TTC7B: variants seen among roughly 807,000 people sequenced by gnomAD.
TTC7B encodes the protein tetratricopeptide repeat protein 7B.
TTC7B carries 28 observed loss-of-function variants against 106.8 expected under a neutral mutation model. The observed-to-expected ratio is 0.26, with a 90% CI of 0.19 to 0.36. TTC7B has a LOEUF of 0.36. Ranked by LOEUF, TTC7B falls within the 10% of genes least tolerant of loss-of-function variation. The pLI, the probability that TTC7B is intolerant of heterozygous loss-of-function variation, is 1.00. For missense variants in TTC7B, 862 were observed against 1,076.4 expected (o/e 0.80, Z 2.79); for synonymous variants, 405 against 430.6 (o/e 0.94, Z 0.74).
intron 12 of TTC7B, 140 bp from the exon 13 acceptor site, chr14:90,653,038 G>A: frequency 1.2e-6 from 1 of 848,858 alleles, no homozygotes; most frequent in East Asian, 2.4e-5. Context: ...CCTGCACCAG[G>A]CCCTGGAGAA....
chr14:90,690,935 C>T (rs1566838344), intron 6 of TTC7B, among the ~76,000 whole-genome samples: 2 of 152,144 alleles, frequency 1.3e-5, no homozygotes, highest in Non-Finnish European at 2.9e-5. Context: ...AAGTAAGACC[C>T]ATTGGCATTA....
At chr14:90,542,245 C>CT (rs910846769) in intron 19 of TTC7B, among the ~76,000 whole-genome samples, 9 of 149,294 alleles carry the variant, frequency 6.0e-5, no homozygotes, top group South Asian at 4.2e-4. Flanking sequence ...GGCCTGTCGT[C>CT]TTTTTTTTTT....
chr14:90,741,925 A>C (rs1487210772), intron 4 of TTC7B, among the ~76,000 whole-genome samples: 1 of 152,232 alleles, frequency 6.6e-6, no homozygotes, highest in Non-Finnish European at 1.5e-5. Context: ...GGTTTTCCAA[A>C]AAAGAAAACG....
Position 90,593,566 on chromosome 14 carries a change from G to GCCACTT in TTC7B, c.2021_2026dup (p.Glu674_Val675dup). The GCCACTT allele has an allele frequency of 6.2e-7, 1 of 1,612,796 alleles. No homozygotes were observed. The highest frequency in any genetic ancestry group is 8.5e-7 in the Non-Finnish European group (1 of 1,179,290). The stretch of plus-strand genomic sequence containing the variant: ...AGGGGCACTGCTCTGCAGAGACGAA[G>GCCACTT]CCACTTCCGACAGTGCCTGCTCCAC... On this transcript the variant is annotated inframe_insertion, in exon 18 of 20. Transcript: ENST00000328459.
intron 8 of TTC7B, among the ~76,000 whole-genome samples, 160 bp from the exon 9 acceptor site, chr14:90,676,820 C>T (rs544995850): frequency 2.6e-5 from 4 of 152,076 alleles, no homozygotes; most frequent in Non-Finnish European, 5.9e-5. Flanking sequence ...TATTCAAAAT[C>T]CCCTGGGCAC....
At chr14:90,661,251 C>T (rs1042109980) in intron 9 of TTC7B, among the ~76,000 whole-genome samples, 6 of 152,232 alleles carry the variant, frequency 3.9e-5, no homozygotes, top group South Asian at 2.1e-4. Context: ...TGAATATACT[C>T]CTCACTAGTG....
chr14:90,659,557 C>T (rs1566823213), intron 9 of TTC7B, among the ~76,000 whole-genome samples: 1 of 151,624 alleles, frequency 6.6e-6, no homozygotes, highest in Non-Finnish European at 1.5e-5. Flanking sequence ...GAAAGGAGGG[C>T]GAAGAAGGGA....
intron 17 of TTC7B, among the ~76,000 whole-genome samples, chr14:90,606,860 G>A (rs1043052677): frequency 1.6e-4 from 25 of 152,190 alleles, no homozygotes; most frequent in African/African-American, 5.1e-4. Context: ...GTAGGAAACC[G>A]TATTCCAGTT....
At chr14:90,573,853 C>T (rs918441657) in intron 19 of TTC7B, among the ~76,000 whole-genome samples, 2 of 152,248 alleles carry the variant, frequency 1.3e-5, no homozygotes, top group Non-Finnish European at 2.9e-5. Context: ...CATTTGTTCC[C>T]TAGCAATACT....
In TTC7B at chr14:90,570,685, C is replaced by T. The variant is rs1890997969; in HGVS notation, c.2310+7421G>A. Among the ~76,000 whole-genome samples, 1 of 152,170 alleles carries T rather than the reference C, an allele frequency of 6.6e-6. No homozygotes were observed. Among genetic ancestry groups the T allele is most frequent in the African/African-American group, 2.4e-5 (1 of 41,442 alleles). On this transcript the variant is annotated intron_variant, in intron 19 of 19. Coordinates refer to ENST00000328459, the MANE Select transcript of TTC7B (RefSeq NM_001010854.2). The surrounding 1 kb of genome is among the most constrained non-coding windows in gnomAD (Gnocchi z 4.0). Reference sequence around the variant, plus strand: ...CTCCATGGGGCCAGGAGATGACTCACTCACTGTCAAACAGACGCAAAGGAT... The same window carrying T: ...CTCCATGGGGCCAGGAGATGACTCATTCACTGTCAAACAGACGCAAAGGAT...
At chr14:90,776,140 G>GACACACACACACAC (rs370873395) in intron 3 of TTC7B, among the ~76,000 whole-genome samples, 3,100 of 140,328 alleles carry the variant, frequency 0.022, 123 homozygotes, top group African/African-American at 0.069. Context: ...GGCCCCCCGT[G>GACACACACACACAC]ACACACACAC....
chr14:90,629,878 TG>T (rs1884618576), intron 15 of TTC7B, among the ~76,000 whole-genome samples: 2 of 152,170 alleles, frequency 1.3e-5, no homozygotes. Flanking sequence ...TGGGATGCCC[TG>T]AAGGCTGGTT....
At chr14:90,639,739 T>G (rs764730213) in intron 15 of TTC7B, among the ~76,000 whole-genome samples, 8 of 152,202 alleles carry the variant, frequency 5.3e-5, no homozygotes, top group Non-Finnish European at 1.2e-4. Context: ...CAAGCACTGT[T>G]CATAATAGCT....
chr14:90,662,562 C>T (rs570072756), intron 9 of TTC7B, among the ~76,000 whole-genome samples: 2 of 152,332 alleles, frequency 1.3e-5, no homozygotes, highest in East Asian at 3.9e-4. Flanking sequence ...AGGGAATACA[C>T]AACCTGAATG....
chr14:90,731,923 G>T (rs1178318782), intron 4 of TTC7B, among the ~76,000 whole-genome samples: 1 of 152,044 alleles, frequency 6.6e-6, no homozygotes, highest in Non-Finnish European at 1.5e-5. Context: ...TCCTTCATTT[G>T]CTTTTCAGCA....
At chr14:90,588,330 G>A (rs536681874) in intron 18 of TTC7B, among the ~76,000 whole-genome samples, 9 of 152,208 alleles carry the variant, frequency 5.9e-5, no homozygotes, top group East Asian at 1.9e-4. Flanking sequence ...AAGAATAGCC[G>A]CTGGTTTCAA....
intron 9 of TTC7B, among the ~76,000 whole-genome samples, chr14:90,671,772 C>T (rs1295682944): frequency 6.6e-6 from 1 of 152,212 alleles, no homozygotes; most frequent in Non-Finnish European, 1.5e-5. Context: ...TTGTACAATG[C>T]TCTTTGGCCA....
intron 17 of TTC7B, among the ~76,000 whole-genome samples, chr14:90,605,327 G>C (rs577064183): frequency 6.6e-6 from 1 of 152,294 alleles, no homozygotes; most frequent in Admixed American, 6.5e-5. Context: ...AAGGACCCAA[G>C]GATTAGAGGC....
chr14:90,779,929 G>A (rs1891153892), intron 3 of TTC7B, among the ~76,000 whole-genome samples: 1 of 152,200 alleles, frequency 6.6e-6, no homozygotes, highest in Non-Finnish European at 1.5e-5. Flanking sequence ...ATTGCTGTGT[G>A]TCAACTGATT....
Sources: gnomAD v4.1 joint callset for allele counts (sites outside exome capture counted in the v4.1 genomes callset) on GRCh38, gnomAD v4.1.1 for gene constraint, Gnocchi (gnomAD v3.1) non-coding constraint, MANE v1.5 for transcripts, NCBI Gene and HGNC (gene_info 2026-07-23, HGNC 2026-07-21) for gene names.